The following UBN2 variants were observed in gnomAD, a reference collection of about 807,000 sequenced individuals.
UBN2 encodes ubinuclein-2.
In UBN2, 35 loss-of-function variants were observed where a neutral mutation model predicts 120.2. That is an observed-to-expected ratio of 0.29 (90% confidence interval 0.22 to 0.39). UBN2 has a LOEUF of 0.39. Among genes scored for constraint, UBN2 ranks in the 10% least tolerant of loss-of-function variants. The probability of loss-of-function intolerance (pLI) is 1.00; values close to 1 mark genes in which losing one functional copy is unlikely to be tolerated. For missense variants in UBN2, 1,693 were observed against 1,663.2 expected (o/e 1.02, Z -0.31); for synonymous variants, 661 against 648.7 (o/e 1.02, Z -0.29).
the UBN2 span, among the ~76,000 whole-genome samples, chr7:139,322,286 T>A: frequency 2.6e-5 from 4 of 152,080 alleles, no homozygotes; most frequent in Non-Finnish European, 5.9e-5. Context: ...GACTATTTTT[T>A]AAGTAAAATA....
intron 2 of UBN2, among the ~76,000 whole-genome samples, chr7:139,243,729 A>G (rs572225493): frequency 6.6e-6 from 1 of 152,320 alleles, no homozygotes; most frequent in South Asian, 2.1e-4. Context: ...CTGTACCTAG[A>G]AAACTACTCT....
At chr7:139,261,916 C>CT (rs1796947556) in intron 6 of UBN2, among the ~76,000 whole-genome samples, 175 bp downstream of exon 6, 1 of 149,426 alleles carries the variant, frequency 6.7e-6, no homozygotes, top group Admixed American at 6.6e-5. Context: ...GCCATGTTTC[C>CT]TTTTAGACCT....
At chr7:139,318,631 G>T in the UBN2 span, among the ~76,000 whole-genome samples, 1 of 151,972 alleles carries the variant, frequency 6.6e-6, no homozygotes, top group African/African-American at 2.4e-5. Context: ...AAATAGTTGG[G>T]ACTACAGGTG....
At chr7:139,293,042 G>T (rs182844083) in intron 15 of UBN2, among the ~76,000 whole-genome samples, 190 bp from the exon 16 acceptor site, 11 of 152,206 alleles carry the variant, frequency 7.2e-5, no homozygotes, top group Admixed American at 2.6e-4. Flanking sequence ...AGAGTGCGTG[G>T]GTGTTCATGT....
intron 2 of UBN2, among the ~76,000 whole-genome samples, chr7:139,247,167 A>C (rs964193612): frequency 3.9e-5 from 6 of 151,952 alleles, no homozygotes; most frequent in East Asian, 1.9e-4. Context: ...AAAAAAAAAA[A>C]CAAAAAACTA....
intron 3 of UBN2, among the ~76,000 whole-genome samples, chr7:139,252,830 G>A (rs1200302707): frequency 6.6e-6 from 1 of 152,132 alleles, no homozygotes. Context: ...AAAACATTAA[G>A]TTAAGCTAGT....
chr7:139,240,465 T>TTTA (rs1554469301), intron 2 of UBN2, among the ~76,000 whole-genome samples: 4 of 145,354 alleles, frequency 2.8e-5, no homozygotes, highest in East Asian at 2.0e-4. Flanking sequence ...TTTTTTTTTT[T>TTTA]AAATAATTAT....
At chr7:139,240,454 A>ATATATTT (rs371717591) in intron 2 of UBN2, among the ~76,000 whole-genome samples, 100 of 123,102 alleles carry the variant, frequency 8.1e-4, no homozygotes, top group East Asian at 3.2e-3. Flanking sequence ...ATATATATAT[A>ATATATTT]TTTTTTTTTT....
chr7:139,265,883 C>G (rs922651465), intron 6 of UBN2, among the ~76,000 whole-genome samples: 1 of 152,110 alleles, frequency 6.6e-6, no homozygotes, highest in African/African-American at 2.4e-5. Context: ...GTGATATTGA[C>G]TTTGGACTTT....
chr7:139,272,585 G>A (rs1797313707), intron 9 of UBN2, 145 bp downstream of exon 9: 5 of 625,016 alleles, frequency 8.0e-6, no homozygotes, highest in Non-Finnish European at 5.2e-6. Flanking sequence ...GGAGTGGAAT[G>A]GTACGATTTC....
chr7:139,301,514 T>C lies in UBN2; in HGVS notation c.*3678T>C, dbSNP rs1184688537. 1 of 152,226 alleles carries C rather than the reference T, an allele frequency of 6.6e-6. No individual in the cohort carries two copies. The allele number at this position is 152,226 out of a possible 1,614,324, so 9.4% of individuals were successfully genotyped here. ...CATATTTGCTGCTACATTTGTAAAA[T>C]GAACTTTGCCTGTATTGGTTGACTT... is the stretch of plus-strand genomic sequence containing the variant. On this transcript the variant is annotated 3_prime_UTR_variant, in exon 18 of 18. Coordinates refer to ENST00000473989, the MANE Select transcript of UBN2 (RefSeq NM_173569.4).
rs142649925 is a variant in UBN2 at position 139,280,276 on chromosome 7, T to C, written c.2067+916T>C. ...CTAAGACGGACAAGTAGTGCACTTA[T>C]GGAATTTAGTACATAAAATAATTTG... On this transcript the variant is annotated intron_variant, in intron 13 of 17. Transcript: ENST00000473989. Among the ~76,000 whole-genome samples the C allele has an allele frequency of 1.3e-3, 203 of 152,312 alleles. 2 individuals carry two copies. Among genetic ancestry groups the C allele is most frequent in the African/African-American group, 4.7e-3 (195 of 41,574 alleles).
chr7:139,248,880 A>G (rs945345803), intron 2 of UBN2, among the ~76,000 whole-genome samples: 12 of 152,146 alleles, frequency 7.9e-5, no homozygotes, highest in Non-Finnish European at 1.2e-4. Context: ...ATTCTATAAC[A>G]TAATATAAAG....
intron 2 of UBN2, among the ~76,000 whole-genome samples, chr7:139,249,807 C>T (rs1463918376): frequency 6.6e-6 from 1 of 151,986 alleles, no homozygotes; most frequent in African/African-American, 2.4e-5. Context: ...CTGGGTTCCT[C>T]CTGCCTCAGC....
chr7:139,258,091 A>C lies in UBN2; in HGVS notation c.664-397A>C, dbSNP rs1585000241. On this transcript the variant is annotated intron_variant, in intron 3 of 17. Coordinates refer to ENST00000473989, the MANE Select transcript of UBN2 (RefSeq NM_173569.4). The stretch of plus-strand genomic sequence containing the variant: ...AGCCAGTTTTGTTATTCTTTATAAA[A>C]TCTCCTTATGGTAGGAAATGAAATT... Among the ~76,000 whole-genome samples, 3 of 152,190 alleles carry C rather than the reference A, an allele frequency of 2.0e-5. No individual in the cohort carries two copies. In the East Asian group the frequency reaches 5.8e-4, roughly 29 times the overall value.
intron 3 of UBN2, among the ~76,000 whole-genome samples, chr7:139,256,499 T>G (rs908205862): frequency 5.9e-5 from 9 of 152,186 alleles, no homozygotes; most frequent in African/African-American, 2.2e-4. Context: ...TTACCTGGCT[T>G]TCATCTTTAA....
At chr7:139,265,872 G>A (rs760426419) in intron 6 of UBN2, among the ~76,000 whole-genome samples, 6 of 152,192 alleles carry the variant, frequency 3.9e-5, no homozygotes, top group East Asian at 1.9e-4. Context: ...ATTTCAGCCC[G>A]GTGATATTGA....
At chr7:139,251,168 G>A (rs933296271) in intron 2 of UBN2, among the ~76,000 whole-genome samples, 1 of 152,084 alleles carries the variant, frequency 6.6e-6, no homozygotes, top group Admixed American at 6.6e-5. Flanking sequence ...AATAGAGCAA[G>A]ACCCTATCTT....
Position 139,306,699 on chromosome 7 carries a change from A to G in UBN2, c.*8863A>G, listed in dbSNP as rs1372187704. 1 of 152,222 alleles carries G rather than the reference A, an allele frequency of 6.6e-6. No individual in the cohort carries two copies. The highest frequency in any genetic ancestry group is 1.5e-5 in the Non-Finnish European group (1 of 68,042). 9.4% of individuals were successfully genotyped at this position (152,222 alleles called of 1,614,324 possible). A position where few individuals can be genotyped will look rare whatever the true frequency, so the allele number is the denominator to read the frequency against. On this transcript the variant is annotated 3_prime_UTR_variant, in exon 18 of 18. Coordinates refer to ENST00000473989, the MANE Select transcript of UBN2 (RefSeq NM_173569.4). ...AACTTACTTTATTTCAGAAAGTATC[A>G]AAAATACCAAATTGGTCTTTCAGAG... is the stretch of plus-strand genomic sequence containing the variant.
Sources: gnomAD v4.1 joint callset for allele counts (sites outside exome capture counted in the v4.1 genomes callset) on GRCh38, gnomAD v4.1.1 for gene constraint, MANE v1.5 for transcripts, NCBI Gene and HGNC (gene_info 2026-07-23, HGNC 2026-07-21) for gene names.